Variants in SV2C observed in about 807,000 individuals in gnomAD.
SV2C encodes the protein solute carrier family 22 member B3.
SV2C carries 49 observed loss-of-function variants against 79.7 expected under a neutral mutation model. The ratio of observed to expected loss-of-function variants is 0.61; its 90% CI spans 0.49 to 0.78. The LOEUF is 0.78. Ranked by LOEUF, SV2C falls within the 30% of genes least tolerant of loss-of-function variation. The pLI is 0.00. For missense variants in SV2C, 833 were observed against 912.9 expected (o/e 0.91, Z 1.13); for synonymous variants, 334 against 333.2 (o/e 1.00, Z -0.03).
intron 4 of SV2C, among the ~76,000 whole-genome samples, chr5:76,235,629 A>G (rs957720421): frequency 3.9e-5 from 6 of 152,206 alleles, no homozygotes; most frequent in Non-Finnish European, 7.4e-5. Flanking sequence ...GAATGCTTAT[A>G]TGGAAAATCC....
the SV2C span, among the ~76,000 whole-genome samples, chr5:75,955,210 G>T: frequency 0.021 from 3,202 of 151,512 alleles, 43 homozygotes; most frequent in Middle Eastern, 0.048. Flanking sequence ...TAGATCAATG[G>T]AACAGAACAG....
At chr5:76,248,623 A>AT (rs369098544) in intron 4 of SV2C, among the ~76,000 whole-genome samples, 48,385 of 143,272 alleles carry the variant, frequency 0.34, 8,426 homozygotes, top group Non-Finnish European at 0.39. Context: ...GTGCTCAGTG[A>AT]TTTTTTTTTT....
chr5:76,164,620 C>T (rs530481457), intron 2 of SV2C, among the ~76,000 whole-genome samples: 1 of 152,150 alleles, frequency 6.6e-6, no homozygotes, highest in Admixed American at 6.5e-5. Flanking sequence ...CAACTTAACA[C>T]TGAATTCCAT....
chr5:76,027,505 T>G, the SV2C span, among the ~76,000 whole-genome samples: 29,708 of 151,958 alleles, frequency 0.2, 3,227 homozygotes, highest in East Asian at 0.44. Context: ...TTTATTTACA[T>G]TCTAATTGAC....
chr5:76,223,475 ATATATATATATATATATATATG>A (rs1250947562), intron 4 of SV2C, among the ~76,000 whole-genome samples: 2,576 of 71,122 alleles, frequency 0.036, 107 homozygotes, highest in African/African-American at 0.088. Context: ...ATATATATAT[ATATATATATATATATATATATG>A]TATATGTATA....
chr5:76,024,749 C>T, the SV2C span, among the ~76,000 whole-genome samples: 3 of 152,230 alleles, frequency 2.0e-5, no homozygotes, highest in South Asian at 2.1e-4. Context: ...ATATTCAAGA[C>T]CTCCAGTCGG....
the SV2C span, among the ~76,000 whole-genome samples, chr5:75,857,435 T>C: frequency 6.6e-6 from 1 of 152,196 alleles, no homozygotes; most frequent in Non-Finnish European, 1.5e-5. Flanking sequence ...TTGGTTTTAT[T>C]TCTGGGTTCT....
the SV2C span, among the ~76,000 whole-genome samples, chr5:75,969,087 T>C: frequency 6.6e-6 from 1 of 152,032 alleles, no homozygotes; most frequent in South Asian, 2.1e-4. Context: ...ACCTCGTCAG[T>C]GAAGGAGAAA....
chr5:76,183,735 G>A (rs10039662), intron 2 of SV2C, among the ~76,000 whole-genome samples: 120,746 of 152,014 alleles, frequency 0.79, 48,528 homozygotes, highest in East Asian at 0.91. Flanking sequence ...GAGTCCTCTT[G>A]GTGTGCTATG....
chr5:76,257,647 A>G (rs1260643550), intron 4 of SV2C, among the ~76,000 whole-genome samples: 1 of 144,240 alleles, frequency 6.9e-6, no homozygotes, highest in Non-Finnish European at 1.5e-5. Flanking sequence ...ATGTAGGTGT[A>G]GTGTGCATGG....
At position 76,324,852 on chromosome 5, in the gene SV2C, T is replaced by A. The variant is rs141327650; in HGVS notation, c.2001-512T>A. 1.2e-3 allele frequency among the ~76,000 whole-genome samples: 177 copies of A among 151,956 alleles called. 1 individual carries two copies. Among genetic ancestry groups the A allele is most frequent in the Admixed American group, 4.1e-3 (62 of 15,260 alleles). On this transcript the variant is annotated intron_variant, in intron 12 of 12. Transcript: ENST00000502798. Reference sequence around the variant, plus strand: ...CTGGGCAACATAGCAAGACCCTATCTCTACAAAAATAAAAATAAAAATTAG... The same window carrying A: ...CTGGGCAACATAGCAAGACCCTATCACTACAAAAATAAAAATAAAAATTAG...
intron 12 of SV2C, among the ~76,000 whole-genome samples, chr5:76,323,917 G>A (rs1017115106): frequency 6.6e-6 from 1 of 152,018 alleles, no homozygotes; most frequent in African/African-American, 2.4e-5. Flanking sequence ...AGGGAACTTA[G>A]AGGATGGGTC....
chr5:75,935,214 A>G, the SV2C span, among the ~76,000 whole-genome samples: 5 of 152,238 alleles, frequency 3.3e-5, no homozygotes, highest in African/African-American at 9.6e-5. Flanking sequence ...TATGAATTAT[A>G]AGAATTAAAA....
chr5:76,004,690 C>T, the SV2C span, among the ~76,000 whole-genome samples: 1 of 152,118 alleles, frequency 6.6e-6, no homozygotes, highest in African/African-American at 2.4e-5. Flanking sequence ...CATTGTGTGA[C>T]ACGCCCTCAG....
chr5:76,175,683 G>T (rs1743504195), intron 2 of SV2C, among the ~76,000 whole-genome samples: 1 of 152,202 alleles, frequency 6.6e-6, no homozygotes, highest in South Asian at 2.1e-4. Flanking sequence ...AAATTGCTAA[G>T]TAATTAAGAT....
the SV2C span, among the ~76,000 whole-genome samples, chr5:75,881,922 T>G: frequency 1.4e-5 from 2 of 147,590 alleles, no homozygotes; most frequent in African/African-American, 5.2e-5. Flanking sequence ...CAGTATGATA[T>G]TGGCTGTGGG....
At chr5:75,850,256 T>C in the SV2C span, among the ~76,000 whole-genome samples, 5 of 152,238 alleles carry the variant, frequency 3.3e-5, no homozygotes, top group African/African-American at 1.2e-4. Flanking sequence ...CTGTGCAGAA[T>C]GATTTACTAA....
chr5:76,282,202 TTGATATAATAAGCAAA>T (rs1238885912), intron 4 of SV2C, among the ~76,000 whole-genome samples: 6 of 152,046 alleles, frequency 3.9e-5, no homozygotes, highest in East Asian at 1.9e-4. Flanking sequence ...AATAAGCAAA[TTGATATAATAAGCAAA>T]TGATATAATA....
At chr5:75,954,325 G>T in the SV2C span, among the ~76,000 whole-genome samples, 1 of 151,962 alleles carries the variant, frequency 6.6e-6, no homozygotes, top group African/African-American at 2.4e-5. Context: ...AAAGCTGAAA[G>T]AACTTCAAGG....
Sources: gnomAD v4.1 joint callset for allele counts (sites outside exome capture counted in the v4.1 genomes callset) on GRCh38, gnomAD v4.1.1 for gene constraint, MANE v1.5 for transcripts, NCBI Gene and HGNC (gene_info 2026-07-23, HGNC 2026-07-21) for gene names.